TRPM3: variants seen among roughly 807,000 people sequenced by gnomAD.
TRPM3 encodes long transient receptor potential channel 3.
Under a neutral mutation model 181.2 loss-of-function variants are expected in TRPM3, and 77 were observed. That is an observed-to-expected ratio of 0.42 (90% CI 0.35 to 0.51). TRPM3 has a LOEUF of 0.51. Ranked by LOEUF, TRPM3 falls within the 20% of genes least tolerant of loss-of-function variation. The pLI is 0.01. For missense variants in TRPM3, 1,759 were observed against 2,196.7 expected (o/e 0.80, Z 3.98); for synonymous variants, 745 against 796.4 (o/e 0.94, Z 1.09).
rs1330037450 is a variant in TRPM3 at position 71,018,010 on chromosome 9, A to G, written c.177+103168T>C. 3.9e-5 allele frequency among the ~76,000 whole-genome samples: 6 copies of G among 152,064 alleles called. No individual in the cohort carries two copies. The East Asian group carries it at 1.2e-3, about 29-fold the overall frequency. On this transcript the variant is annotated intron_variant, in intron 1 of 25. Transcript: ENST00000677713. ...CACAGAGTAACTAGCAAGGACTTCA[A>G]ATAACAAAAAGATAACTGAATGATC...
intron 1 of TRPM3, among the ~76,000 whole-genome samples, chr9:71,035,569 TA>T (rs1213220726): frequency 6.6e-6 from 1 of 151,970 alleles, no homozygotes; most frequent in East Asian, 1.9e-4. Flanking sequence ...ATACAAAAAT[TA>T]GCCAGGCTTG....
At chr9:71,237,693 G>A (rs1052124483) in intron 1 of TRPM3, among the ~76,000 whole-genome samples, 2 of 152,144 alleles carry the variant, frequency 1.3e-5, no homozygotes, top group Non-Finnish European at 2.9e-5. Flanking sequence ...GAGTGTCTCA[G>A]TCTGTTTTGT....
At chr9:71,339,265 A>C (rs934339211) in intron 1 of TRPM3, among the ~76,000 whole-genome samples, 1 of 152,182 alleles carries the variant, frequency 6.6e-6, no homozygotes, top group African/African-American at 2.4e-5. Flanking sequence ...GTTATGTCAA[A>C]GTTAATTCAT....
chr9:71,425,075 CTG>C (rs1411834165), intron 1 of TRPM3, among the ~76,000 whole-genome samples: 2 of 151,700 alleles, frequency 1.3e-5, no homozygotes, highest in Admixed American at 1.3e-4. Context: ...CTCTTGGCCT[CTG>C]TAATATCATT....
In TRPM3 at chr9:70,549,680, GA is replaced by G. The variant is rs76157078; in HGVS notation, c.3575-7del. On this transcript the variant is annotated splice_region_variant and splice_polypyrimidine_tract_variant and intron_variant, in intron 24 of 25. Transcript: ENST00000677713. ...ATCATCGGTTATGAAGAGTTCTGTG[GA>G]AAAAAAAAAAAAGGAAGTCTTGAGG... is the stretch of plus-strand genomic sequence containing the variant. The G allele has an allele frequency of 0.052, 57,314 of 1,097,826 alleles. 4 individuals carry two copies. Among genetic ancestry groups the G allele is most frequent in the East Asian group, 0.098 (2,979 of 30,336 alleles). The allele number at this position is 1,097,826 out of a possible 1,614,324, so 68.0% of individuals were successfully genotyped here. A position where few individuals can be genotyped will look rare whatever the true frequency, so the allele number is the denominator to read the frequency against.
chr9:71,406,877 G>C (rs1565541496), intron 1 of TRPM3, among the ~76,000 whole-genome samples: 1 of 152,098 alleles, frequency 6.6e-6, no homozygotes, highest in African/African-American at 2.4e-5. Flanking sequence ...TACACGTTTA[G>C]AGCAGTGATC....
At chr9:70,651,170 A>C (rs959167371) in intron 9 of TRPM3, among the ~76,000 whole-genome samples, 42 of 152,306 alleles carry the variant, frequency 2.8e-4, no homozygotes, top group African/African-American at 8.9e-4. Flanking sequence ...ATACTGATCA[A>C]GCAGACACAT....
At chr9:71,327,627 T>C (rs541034350) in intron 1 of TRPM3, among the ~76,000 whole-genome samples, 1 of 152,308 alleles carries the variant, frequency 6.6e-6, no homozygotes, top group African/African-American at 2.4e-5. Context: ...TTCAAAATGT[T>C]TAAATAACAT....
At chr9:70,798,142 C>T (rs997011657) in intron 6 of TRPM3, among the ~76,000 whole-genome samples, 6 of 152,212 alleles carry the variant, frequency 3.9e-5, no homozygotes, top group Non-Finnish European at 8.8e-5. Context: ...GCCGCCTCGA[C>T]TTCCCAGGCT....
chr9:70,564,789 A>G (rs967097472), intron 22 of TRPM3, among the ~76,000 whole-genome samples: 19 of 152,350 alleles, frequency 1.2e-4, no homozygotes, highest in African/African-American at 4.6e-4. Flanking sequence ...GAGGGGTTAT[A>G]TGATATCTAC....
At chr9:70,930,693 C>T (rs1320023480) in intron 1 of TRPM3, among the ~76,000 whole-genome samples, 1 of 152,118 alleles carries the variant, frequency 6.6e-6, no homozygotes, top group African/African-American at 2.4e-5. Flanking sequence ...GACTGCATGG[C>T]TGTTTTCTTG....
At chr9:71,306,744 C>T (rs150954112) in intron 1 of TRPM3, among the ~76,000 whole-genome samples, 3 of 152,020 alleles carry the variant, frequency 2.0e-5, no homozygotes, top group Non-Finnish European at 2.9e-5. Context: ...TGTGGTAATG[C>T]GTGCCTGTAG....
At chr9:70,631,993 C>G (rs1002742150) in intron 12 of TRPM3, among the ~76,000 whole-genome samples, 6 of 152,112 alleles carry the variant, frequency 3.9e-5, no homozygotes, top group African/African-American at 1.4e-4. Context: ...GGACTGTGTT[C>G]CTAACTCATG....
intron 1 of TRPM3, among the ~76,000 whole-genome samples, chr9:71,048,944 G>C (rs188206542): frequency 2.1e-3 from 320 of 152,268 alleles, no homozygotes; most frequent in African/African-American, 7.3e-3. Flanking sequence ...CTCCATTCTT[G>C]CCCACATTAG....
chr9:70,590,056 A>T (rs2057860442), intron 22 of TRPM3, among the ~76,000 whole-genome samples: 1 of 152,168 alleles, frequency 6.6e-6, no homozygotes, highest in African/African-American at 2.4e-5. Flanking sequence ...GCCTGTCAGC[A>T]AAAAAATGTC....
At chr9:70,608,477 A>G (rs931398538) in intron 19 of TRPM3, among the ~76,000 whole-genome samples, 1 of 152,190 alleles carries the variant, frequency 6.6e-6, no homozygotes, top group Admixed American at 6.5e-5. Flanking sequence ...GCCCTGTTCT[A>G]AGCTAACAGT....
chr9:71,368,604 T>G (rs1422615662), intron 1 of TRPM3, among the ~76,000 whole-genome samples: 6 of 152,352 alleles, frequency 3.9e-5, no homozygotes, highest in African/African-American at 1.2e-4. Context: ...TTTATAATGC[T>G]TTTTTAATAA....
chr9:70,561,189 C>G (rs900669918), intron 22 of TRPM3, among the ~76,000 whole-genome samples: 1 of 152,078 alleles, frequency 6.6e-6, no homozygotes, highest in Admixed American at 6.6e-5. Context: ...TCTAAAAATC[C>G]ATCTTGAAAA....
intron 5 of TRPM3, among the ~76,000 whole-genome samples, chr9:70,830,162 T>C (rs1446513553): frequency 1.3e-5 from 2 of 152,216 alleles, no homozygotes; most frequent in Non-Finnish European, 2.9e-5. Flanking sequence ...CGGGCATTTG[T>C]GCTGGCTGAG....
Sources: allele counts gnomAD v4.1 joint callset (sites outside exome capture counted in the v4.1 genomes callset), GRCh38; gene constraint gnomAD v4.1.1; transcripts MANE v1.5; gene names NCBI Gene and HGNC (gene_info 2026-07-23, HGNC 2026-07-21).